GPHN: variants seen among roughly 807,000 people sequenced by gnomAD.
GPHN encodes the protein gephyrin.
A neutral mutation model predicts 95.5 loss-of-function variants in GPHN; 17 were observed. The ratio of observed to expected loss-of-function variants is 0.18; its 90% CI spans 0.12 to 0.27. The LOEUF is 0.27. Ranked by LOEUF, GPHN falls within the 10% of genes least tolerant of loss-of-function variation. The pLI, the probability that GPHN is intolerant of heterozygous loss-of-function variation, is 1.00. For synonymous variants in GPHN, 320 were observed against 322.5 expected (o/e 0.99, Z 0.08); for missense variants, 660 against 978.1 (o/e 0.67, Z 4.34).
At chr14:67,672,732 C>T in the GPHN span, among the ~76,000 whole-genome samples, 1 of 152,092 alleles carries the variant, frequency 6.6e-6, no homozygotes, top group African/African-American at 2.4e-5. Context: ...TGTGAGCCAC[C>T]GTACCCTGCC....
the GPHN span, among the ~76,000 whole-genome samples, chr14:67,457,756 T>C: frequency 6.6e-6 from 1 of 152,226 alleles, no homozygotes; most frequent in Non-Finnish European, 1.5e-5. Context: ...ACATTGGTTC[T>C]AGAAAAACAG....
At chr14:66,621,428 CT>C (rs143345607) in intron 1 of GPHN, among the ~76,000 whole-genome samples, 45,960 of 137,772 alleles carry the variant, frequency 0.33, 10,593 homozygotes, top group African/African-American at 0.66. Context: ...GCTGTCAAAT[CT>C]TTTTTTTTTT....
At chr14:67,004,262 G>A (rs552346833) in intron 9 of GPHN, among the ~76,000 whole-genome samples, 8 of 151,868 alleles carry the variant, frequency 5.3e-5, no homozygotes, top group African/African-American at 1.7e-4. Flanking sequence ...TGGATGTGCT[G>A]TGTAAATGTA....
chr14:66,599,913 T>G (rs1595173305), intron 1 of GPHN, among the ~76,000 whole-genome samples: 1 of 152,034 alleles, frequency 6.6e-6, no homozygotes, highest in Admixed American at 6.6e-5. Context: ...ACGTTAAAAT[T>G]TTTATTTTGG....
intron 19 of GPHN, 146 bp from the exon 20 acceptor site, chr14:67,165,016 A>T (rs143065046): frequency 1.5e-6 from 1 of 646,368 alleles, no homozygotes; most frequent in Non-Finnish European, 2.8e-6. Flanking sequence ...TCTGTGGAAT[A>T]CTTCAGAGTA....
chr14:67,645,303 C>T, the GPHN span, among the ~76,000 whole-genome samples: 7 of 152,040 alleles, frequency 4.6e-5, no homozygotes, highest in Non-Finnish European at 8.8e-5. Context: ...TGTACACCAT[C>T]TTGTCTGGCT....
intron 10 of GPHN, among the ~76,000 whole-genome samples, chr14:67,024,658 C>T (rs948845872): frequency 1.3e-5 from 2 of 152,146 alleles, no homozygotes; most frequent in Admixed American, 6.5e-5. Context: ...TCCAGTTGCC[C>T]TCTCCCAGTG....
At chr14:66,677,593 G>T (rs999202960) in intron 1 of GPHN, among the ~76,000 whole-genome samples, 1 of 151,888 alleles carries the variant, frequency 6.6e-6, no homozygotes, top group South Asian at 2.1e-4. Flanking sequence ...AATTTCCAAA[G>T]TTCCTCTTGT....
chr14:66,923,006 T>C (rs889700146), intron 7 of GPHN, 68 bp downstream of exon 7: 9 of 1,330,000 alleles, frequency 6.8e-6, no homozygotes, highest in Non-Finnish European at 8.6e-6. Context: ...TTCATCTGTT[T>C]TGCATCGCAT....
intron 12 of GPHN, among the ~76,000 whole-genome samples, chr14:67,098,187 C>A (rs78367783): frequency 0.055 from 8,254 of 151,436 alleles, 235 homozygotes; most frequent in Middle Eastern, 0.068. Flanking sequence ...AAAAAAAAGA[C>A]AAACCTTGTA....
the GPHN span, chr14:67,569,053 AG>A: frequency 1.1e-6 from 1 of 922,086 alleles, no homozygotes; most frequent in Non-Finnish European, 1.7e-6. Context: ...CCACCCCCAA[AG>A]CCATGCTTTT....
At chr14:66,908,591 A>T (rs191717048) in intron 5 of GPHN, among the ~76,000 whole-genome samples, 2 of 152,102 alleles carry the variant, frequency 1.3e-5, no homozygotes, top group Non-Finnish European at 2.9e-5. Context: ...GGCTACATAC[A>T]GTGACTTCCT....
Position 66,852,430 on chromosome 14 carries a change from C to T in GPHN, c.295-27509C>T, listed in dbSNP as rs569736902. Among the ~76,000 whole-genome samples, 21 of 152,194 alleles carry T rather than the reference C, an allele frequency of 1.4e-4. No homozygotes were observed. The East Asian group carries it at 3.3e-3, about 24-fold the overall frequency. ...GTGTTCACCTGTGCACACATTCACGCGCTAAATGCAGGAGTTGAGAGAAGA... is the reference window on the plus strand; with the variant it reads ...GTGTTCACCTGTGCACACATTCACGTGCTAAATGCAGGAGTTGAGAGAAGA... On this transcript the variant is annotated intron_variant, in intron 4 of 22. Coordinates refer to ENST00000478722, the MANE Select transcript of GPHN (RefSeq NM_020806.5).
intron 1 of GPHN, among the ~76,000 whole-genome samples, chr14:66,651,035 G>A (rs2065015588): frequency 6.6e-6 from 1 of 152,136 alleles, no homozygotes; most frequent in Non-Finnish European, 1.5e-5. Context: ...AGCTCTGTGA[G>A]GAGATGGACA....
At chr14:66,542,593 G>C (rs2059394267) in intron 1 of GPHN, among the ~76,000 whole-genome samples, 1 of 152,114 alleles carries the variant, frequency 6.6e-6, no homozygotes, top group African/African-American at 2.4e-5. Flanking sequence ...TGCTCCAGCA[G>C]TTCTCCACTC....
At chr14:67,126,711 A>C (rs2079340388) in intron 17 of GPHN, among the ~76,000 whole-genome samples, 2 of 152,146 alleles carry the variant, frequency 1.3e-5, no homozygotes, top group Non-Finnish European at 2.9e-5. Flanking sequence ...ATCTAGAACT[A>C]GAAATACCAT....
At chr14:67,107,019 G>A (rs1453353314) in intron 13 of GPHN, among the ~76,000 whole-genome samples, 1 of 152,058 alleles carries the variant, frequency 6.6e-6, no homozygotes, top group African/African-American at 2.4e-5. Flanking sequence ...AGGGTATGGT[G>A]ACTTTCTGGA....
intron 8 of GPHN, among the ~76,000 whole-genome samples, chr14:66,951,327 G>A (rs2068096372): frequency 6.6e-6 from 1 of 151,928 alleles, no homozygotes; most frequent in Non-Finnish European, 1.5e-5. Context: ...GACCATCCTG[G>A]CCAACATGGT....
intron 4 of GPHN, among the ~76,000 whole-genome samples, chr14:66,847,629 T>C (rs1486114259): frequency 6.6e-6 from 1 of 152,066 alleles, no homozygotes; most frequent in Non-Finnish European, 1.5e-5. Context: ...AAATCATCTA[T>C]TTTTTCTTTT....
Sources: allele counts gnomAD v4.1 joint callset (sites outside exome capture counted in the v4.1 genomes callset), GRCh38; gene constraint gnomAD v4.1.1; transcripts MANE v1.5; gene names NCBI Gene and HGNC (gene_info 2026-07-23, HGNC 2026-07-21).